The following KCTD8 variants were observed in gnomAD, a reference collection of about 807,000 sequenced individuals.
KCTD8 encodes potassium channel tetramerization domain containing 8.
In KCTD8, 27 loss-of-function variants were observed where a neutral mutation model predicts 31.5. The observed-to-expected ratio is 0.86, with a 90% CI of 0.63 to 1.18. KCTD8 has a LOEUF of 1.18. Among genes scored for constraint, KCTD8 ranks in the 50% most tolerant of loss-of-function variants. The pLI is 0.00. For missense variants in KCTD8, 658 were observed against 647.7 expected (o/e 1.02, Z -0.17); for synonymous variants, 290 against 280.0 (o/e 1.04, Z -0.36).
intron 1 of KCTD8, among the ~76,000 whole-genome samples, chr4:44,430,929 T>C (rs1480971812): frequency 6.6e-6 from 1 of 151,552 alleles, no homozygotes; most frequent in African/African-American, 2.4e-5. Flanking sequence ...TTTTTTTTCT[T>C]GTCATCCATT....
At chr4:44,424,744 C>T (rs1247319640) in intron 1 of KCTD8, among the ~76,000 whole-genome samples, 1 of 151,914 alleles carries the variant, frequency 6.6e-6, no homozygotes, top group African/African-American at 2.4e-5. Context: ...ACATTGGACA[C>T]GATATATAGT....
chr4:44,419,759 G>A (rs1378473414), intron 1 of KCTD8, among the ~76,000 whole-genome samples: 1 of 152,004 alleles, frequency 6.6e-6, no homozygotes, highest in Non-Finnish European at 1.5e-5. Flanking sequence ...TAAATGACTA[G>A]TTGATGGGCG....
chr4:44,319,383 T>C (rs752772884), intron 1 of KCTD8, among the ~76,000 whole-genome samples: 63 of 150,738 alleles, frequency 4.2e-4, no homozygotes, highest in Non-Finnish European at 8.4e-4. Flanking sequence ...ATGTCTAAAA[T>C]GTATAGCGAA....
intron 1 of KCTD8, among the ~76,000 whole-genome samples, chr4:44,343,149 T>C (rs1718949015): frequency 6.6e-6 from 1 of 152,258 alleles, no homozygotes; most frequent in Admixed American, 6.5e-5. Flanking sequence ...GTTTTTGACA[T>C]GCCTACCTCA....
chr4:44,194,884 T>G (rs1237845487), intron 1 of KCTD8, among the ~76,000 whole-genome samples: 1 of 145,506 alleles, frequency 6.9e-6, no homozygotes, highest in Non-Finnish European at 1.5e-5. Flanking sequence ...GGATGGAGTT[T>G]CATTCTTGTT....
At chr4:44,218,353 C>T (rs554105631) in intron 1 of KCTD8, among the ~76,000 whole-genome samples, 18 of 151,052 alleles carry the variant, frequency 1.2e-4, no homozygotes, top group Middle Eastern at 3.2e-3. Context: ...AGGCTGGTCT[C>T]GAACTCCTGA....
chr4:44,212,887 G>A, intron 1 of KCTD8, among the ~76,000 whole-genome samples: 1 of 151,924 alleles, frequency 6.6e-6, no homozygotes, highest in East Asian at 1.9e-4. Flanking sequence ...TTTTTACTTT[G>A]TTTCACTTTT....
chr4:44,388,994 C>T (rs1033505809), intron 1 of KCTD8, among the ~76,000 whole-genome samples: 1 of 151,652 alleles, frequency 6.6e-6, no homozygotes, highest in Admixed American at 6.6e-5. Flanking sequence ...AAATGGAGGA[C>T]ATTATGATAA....
Position 44,273,552 on chromosome 4 carries a change from T to C in KCTD8, c.962-98302A>G, listed in dbSNP as rs987246106. On this transcript the variant is annotated intron_variant, in intron 1 of 1. Transcript: ENST00000360029. ...ATCATTGAACCACTGGGAAAAAAGA[T>C]GAAGATGGGGAAAGGAGTCAATTTT... Among the ~76,000 whole-genome samples, 8 of 151,820 alleles carry C rather than the reference T, an allele frequency of 5.3e-5. No individual in the cohort carries two copies. The East Asian group carries it at 1.6e-3, about 29-fold the overall frequency.
At chr4:44,237,746 T>C (rs1715334747) in intron 1 of KCTD8, among the ~76,000 whole-genome samples, 1 of 152,198 alleles carries the variant, frequency 6.6e-6, no homozygotes, top group South Asian at 2.1e-4. Flanking sequence ...ACTCTAAGCA[T>C]ATGCACATTT....
At chr4:44,312,822 G>A (rs1717994141) in intron 1 of KCTD8, among the ~76,000 whole-genome samples, 1 of 152,124 alleles carries the variant, frequency 6.6e-6, no homozygotes, top group Non-Finnish European at 1.5e-5. Context: ...TCCTGAAACA[G>A]CCCGGCAATG....
At chr4:44,190,275 C>G (rs1320464739) in intron 1 of KCTD8, among the ~76,000 whole-genome samples, 2 of 152,194 alleles carry the variant, frequency 1.3e-5, no homozygotes, top group African/African-American at 2.4e-5. Context: ...AAAGTCCACA[C>G]TTCATTTTCT....
intron 1 of KCTD8, among the ~76,000 whole-genome samples, chr4:44,265,668 C>T (rs894397945): frequency 6.6e-6 from 1 of 152,030 alleles, no homozygotes; most frequent in Non-Finnish European, 1.5e-5. Context: ...AAATGTATAA[C>T]TAGAATAACC....
intron 1 of KCTD8, among the ~76,000 whole-genome samples, chr4:44,390,622 C>T (rs1432157058): frequency 6.6e-6 from 1 of 152,016 alleles, no homozygotes; most frequent in East Asian, 1.9e-4. Context: ...TATGCAGGCT[C>T]TTTTTTTGGT....
In KCTD8 at chr4:44,439,900, T is replaced by A. The variant is rs113094517; in HGVS notation, c.961+7663A>T. Among the ~76,000 whole-genome samples, 901 of 133,410 alleles carry A rather than the reference T, an allele frequency of 6.8e-3. 2 individuals carry two copies. Among genetic ancestry groups the A allele is most frequent in the Middle Eastern group, 8.1e-3 (2 of 248 alleles). The allele number at this position is 133,410 out of a possible 152,430, so 87.5% of individuals were successfully genotyped here. A position where few individuals can be genotyped will look rare whatever the true frequency, so the allele number is the denominator to read the frequency against. ...AACTTCTAGTCCACCAATCATTTAT[T>A]TTTATTTATTTATTTATTTATTTAT... On this transcript the variant is annotated intron_variant, in intron 1 of 1. Coordinates refer to ENST00000360029, the MANE Select transcript of KCTD8 (RefSeq NM_198353.3).
Position 44,269,930 on chromosome 4 carries a change from T to C in KCTD8, c.962-94680A>G, listed in dbSNP as rs546815650. On this transcript the variant is annotated intron_variant, in intron 1 of 1. Coordinates refer to ENST00000360029, the MANE Select transcript of KCTD8 (RefSeq NM_198353.3). ...GGATGTGGAGAAATAGGAACACTTT[T>C]ACACTGTTGGTGGGACTGTAAACTA... Among the ~76,000 whole-genome samples the C allele has an allele frequency of 1.1e-4, 16 of 151,928 alleles. No individual in the cohort carries two copies. In the East Asian group the frequency reaches 3.1e-3, roughly 30 times the overall value.
intron 1 of KCTD8, among the ~76,000 whole-genome samples, chr4:44,436,394 AG>A (rs1417510797): frequency 6.6e-6 from 1 of 152,106 alleles, no homozygotes; most frequent in Non-Finnish European, 1.5e-5. Flanking sequence ...AGATGGATGG[AG>A]TGAGAGTCAA....
rs183636735 is a variant in KCTD8 at position 44,226,725 on chromosome 4, C to A, written c.962-51475G>T. Among the ~76,000 whole-genome samples the A allele has an allele frequency of 2.7e-3, 418 of 152,206 alleles. 3 individuals are homozygous for A. Among genetic ancestry groups the A allele is most frequent in the African/African-American group, 9.1e-3 (380 of 41,550 alleles). On this transcript the variant is annotated intron_variant, in intron 1 of 1. Coordinates refer to ENST00000360029, the MANE Select transcript of KCTD8 (RefSeq NM_198353.3). ...CCCTTGTTTCCTGACTTTTTAATGA[C>A]TGCCTTTCTAACTGGCATGAGATGG...
intron 1 of KCTD8, among the ~76,000 whole-genome samples, chr4:44,245,814 G>A (rs776346101): frequency 5.9e-5 from 9 of 151,922 alleles, no homozygotes; most frequent in South Asian, 2.1e-4. Flanking sequence ...TCTAACATTC[G>A]TTTTCTAAAA....
Sources: gnomAD v4.1 joint callset for allele counts (sites outside exome capture counted in the v4.1 genomes callset) on GRCh38, gnomAD v4.1.1 for gene constraint, MANE v1.5 for transcripts, NCBI Gene and HGNC (gene_info 2026-07-23, HGNC 2026-07-21) for gene names.